Variants in ZIC5 observed in about 807,000 individuals in gnomAD.
ZIC5 encodes the protein zinc finger protein ZIC 5.
ZIC5 carries 20 observed loss-of-function variants against 28.5 expected under a neutral mutation model. That is an observed-to-expected ratio of 0.70 (90% confidence interval 0.49 to 1.02). ZIC5 has a LOEUF of 1.02. ZIC5 is among the 50% of genes least tolerant of loss of function. The pLI is 0.00. For synonymous variants in ZIC5, 488 were observed against 410.4 expected, an observed-to-expected ratio of 1.19 and a Z score of -2.29; for missense variants, 951 against 899.7, an observed-to-expected ratio of 1.06 and a Z score of -0.73.
rs574841086 is a variant in ZIC5, at chr13:99,963,816, T to C, written c.*1561A>G. The C allele has an allele frequency of 6.6e-6, 1 of 151,112 alleles. No individual in the cohort carries two copies. The highest frequency in any genetic ancestry group is 2.4e-5 in the African/African-American group (1 of 41,302). 9.4% of individuals were successfully genotyped at this position (151,112 alleles called of 1,614,324 possible). A position where few individuals can be genotyped will look rare whatever the true frequency, so the allele number is the denominator to read the frequency against. On this transcript the variant is annotated 3_prime_UTR_variant, in exon 2 of 2. Coordinates refer to ENST00000267294, the MANE Select transcript of ZIC5 (RefSeq NM_033132.5). ...ATTAATTCAACTGTACAAATAATAG[T>C]GTTCACATACAAGTTATTAACAATG...
intron 1 of ZIC5, among the ~76,000 whole-genome samples, chr13:99,968,649 G>A (rs747471000): frequency 3.0e-4 from 45 of 152,306 alleles, no homozygotes; most frequent in Non-Finnish European, 1.8e-4. Flanking sequence ...TTTCGGGGCC[G>A]GGCTGGGGAG....
In ZIC5 at chr13:99,970,088, G is replaced by A. The variant is rs748320048; in HGVS notation, c.1477+39C>T. Reference sequence around the variant, plus strand: ...GGAAGCGGCGGCGGCGCAGGAGCTGGTGGCGGCGGCGGCGGCGCGGCCGGG... The same window carrying A: ...GGAAGCGGCGGCGGCGCAGGAGCTGATGGCGGCGGCGGCGGCGCGGCCGGG... On this transcript the variant is annotated intron_variant, in intron 1 of 1. Coordinates refer to ENST00000267294, the MANE Select transcript of ZIC5 (RefSeq NM_033132.5). The A allele has an allele frequency of 7.5e-6, 12 of 1,606,938 alleles. No homozygotes were observed. In the African/African-American group the frequency reaches 1.6e-4, roughly 22 times the overall value.
In ZIC5 at chr13:99,967,725, A is replaced by G. The variant is rs144692004; in HGVS notation, c.1478-1906T>C. On this transcript the variant is annotated intron_variant, in intron 1 of 1. Coordinates refer to ENST00000267294, the MANE Select transcript of ZIC5 (RefSeq NM_033132.5). ...GAACAATTAGACTCAGGAAAGGGAC[A>G]GATGTCGTGGAAGGAAAGGTAGAAC... is the stretch of plus-strand genomic sequence containing the variant. Among the ~76,000 whole-genome samples the G allele has an allele frequency of 7.1e-4, 108 of 152,356 alleles. 2 individuals carry two copies. In the East Asian group the frequency reaches 0.02, roughly 28 times the overall value.
chr13:99,970,681 A>C lies in ZIC5; in HGVS notation c.923T>G (p.Leu308Ter). 8.4e-7 allele frequency: 1 copy of C among 1,184,046 alleles called. No homozygotes were observed. The highest frequency in any genetic ancestry group is 1.1e-6 in the Non-Finnish European group (1 of 948,118). 73.3% of individuals were successfully genotyped at this position (1,184,046 alleles called of 1,614,324 possible). A position where few individuals can be genotyped will look rare whatever the true frequency, so the allele number is the denominator to read the frequency against. Residue 308 changes from leucine (L) to a stop codon, truncating the protein, a stop_gained, in exon 1 of 2, where the codon TTA (leucine) becomes TGA (stop). Transcript: ENST00000267294. LOFTEE classifies it high-confidence loss of function. ...AALHGYGAVN[L>*]NLNLAAAAAA... Reference sequence around the variant, plus strand: ...CGCCGCAGCCGCCAGGTTCAGGTTTAAGTTCACGGCTCCGTAGCCGTGCAG... The same window carrying C: ...CGCCGCAGCCGCCAGGTTCAGGTTTCAGTTCACGGCTCCGTAGCCGTGCAG...
Position 99,971,560 on chromosome 13 carries a change from A to C in ZIC5, c.44T>G (p.Leu15Ter). The C allele has an allele frequency of 6.4e-7, 1 of 1,553,058 alleles. No homozygotes were observed. Residue 15 changes from leucine (L) to a stop codon, truncating the protein, a stop_gained, in exon 1 of 2, where the codon TTA becomes TGA. Transcript: ENST00000267294. LOFTEE classifies it high-confidence loss of function. ...LSKRNPPALR[L>*]ADLATAQVQP... The stretch of plus-strand genomic sequence containing the variant: ...GACCTGAGCCGTTGCCAAATCCGCT[A>C]ATCTCAGCGCTGGCGGGTTCCTCTT...
chr13:99,966,891 G>A (rs1289990611), intron 1 of ZIC5, among the ~76,000 whole-genome samples: 2 of 152,188 alleles, frequency 1.3e-5, no homozygotes, highest in Non-Finnish European at 2.9e-5. Context: ...CAGTCTAACT[G>A]AATTTTCCCT....
At position 99,970,338 on chromosome 13, in the gene ZIC5, C is replaced by G; in HGVS notation, c.1266G>C (p.Thr422=). ...GCTCGGGGCCTCCCACGTGCTCCAC[C>G]GTGACGTGATTCACCAGCTCGTGCA... The part of the protein sequence containing the change: ...GTMHELVNHV[T]VEHVGGPEQS... Residue 422 remains threonine, a synonymous_variant, in exon 1 of 2, where the codon ACG becomes ACC. Transcript: ENST00000267294. The G allele has an allele frequency of 6.2e-7, 1 of 1,610,084 alleles. No homozygotes were observed. Among genetic ancestry groups the G allele is most frequent in the South Asian group, 1.1e-5 (1 of 90,858 alleles).
At chr13:99,967,935 C>T (rs1183905062) in intron 1 of ZIC5, among the ~76,000 whole-genome samples, 1 of 152,212 alleles carries the variant, frequency 6.6e-6, no homozygotes, top group Non-Finnish European at 1.5e-5. Flanking sequence ...CAGAATTTAA[C>T]TATTTACAGA....
intron 1 of ZIC5, 89 bp downstream of exon 1, chr13:99,970,038 C>G (rs2053135480): frequency 2.4e-5 from 37 of 1,572,028 alleles, no homozygotes; most frequent in Non-Finnish European, 3.0e-5. Flanking sequence ...TTAAGGCGAG[C>G]AGGAGGAGGA....
Position 99,965,703 on chromosome 13 carries a change from G to T in ZIC5, c.1594C>A (p.Arg532=). Residue 532 remains arginine (R), a synonymous_variant, in exon 2 of 2, where the codon CGA becomes AGA. Coordinates refer to ENST00000267294, the MANE Select transcript of ZIC5 (RefSeq NM_033132.5). The part of the protein sequence containing the change: ...TSDKPYYCKI[R]GCDKSYTHPS... ...TGAGTGTAGGATTTGTCACAGCCTC[G>T]AATCTTGCAGTAGTAGGGCTTGTCA... 2 of 1,614,160 alleles carry T rather than the reference G, an allele frequency of 1.2e-6. No homozygotes were observed. The highest frequency in any genetic ancestry group is 1.3e-5 in the African/African-American group (1 of 75,036).
At chr13:99,971,811 A>G, upstream of ZIC5, 1 of 1,187,482 alleles carries the variant, frequency 8.4e-7, no homozygotes, top group South Asian at 1.5e-5. Flanking sequence ...GATTTTGGAA[A>G]TGGCACGGGT....
At position 99,965,457 on chromosome 13, in the gene ZIC5, G is replaced by T; in HGVS notation, c.1840C>A (p.Pro614Thr). 1.9e-6 allele frequency: 3 copies of T among 1,614,102 alleles called. No homozygotes were observed. Among genetic ancestry groups the T allele is most frequent in the South Asian group, 1.1e-5 (1 of 91,080 alleles). ...ASGAPSHLHT[P>T]SSNGTTSETE... ...TCAGAGGTGGTTCCGTTGCTGGAAGGGGTGTGGAGGTGGCTGGGGGCCCCA... is the reference window on the plus strand; with the variant it reads ...TCAGAGGTGGTTCCGTTGCTGGAAGTGGTGTGGAGGTGGCTGGGGGCCCCA... Residue 614 changes from proline (P) to threonine (T), a missense_variant, in exon 2 of 2, where the codon CCT (proline) becomes ACT (threonine). This residue lies in a region of ZIC5 where 108 missense variants were observed against 118.4 expected (regional missense o/e 0.91). Coordinates refer to ENST00000267294, the MANE Select transcript of ZIC5 (RefSeq NM_033132.5).
chr13:99,969,533 G>C (rs2053129774), intron 1 of ZIC5, among the ~76,000 whole-genome samples: 1 of 151,974 alleles, frequency 6.6e-6, no homozygotes, highest in Admixed American at 6.5e-5. Flanking sequence ...AGTGCGAGTG[G>C]TCTCCGGGGT....
At position 99,970,445 on chromosome 13, in the gene ZIC5, G is replaced by C. The variant is rs2053141870; in HGVS notation, c.1159C>G (p.Pro387Ala). The change falls in exon 1 of 2, where the codon CCG becomes GCG. Residue 387 changes from proline to alanine, a missense_variant. By Grantham distance (27) the Pro-to-Ala change is conservative (BLOSUM62 -1). Around this residue, in one of 3 missense-constraint regions of ZIC5, gnomAD observed 784 missense variants for 660.1 expected, o/e 1.19. Transcript: ENST00000267294. ...GGCGGCGGCGGCGGCGGCGGCGGCGGCGGCAGCCCGGCCAGCTCGTCGGGG... is the reference window on the plus strand; with the variant it reads ...GGCGGCGGCGGCGGCGGCGGCGGCGCCGGCAGCCCGGCCAGCTCGTCGGGG... Reference protein sequence around the residue: ...IDPDELAGLPPPPPPPPPPPP... With the variant: ...IDPDELAGLPAPPPPPPPPPP... 1 of 1,046,606 alleles carries C rather than the reference G, an allele frequency of 9.6e-7. No individual in the cohort carries two copies. The highest frequency in any genetic ancestry group is 1.1e-6 in the Non-Finnish European group (1 of 870,460). 64.8% of individuals were successfully genotyped at this position (1,046,606 alleles called of 1,614,324 possible).
At position 99,963,688 on chromosome 13, in the gene ZIC5, G is replaced by A. The variant is rs1594280355; in HGVS notation, c.*1689C>T. The A allele has an allele frequency of 1.4e-5, 2 of 147,892 alleles. No individual in the cohort carries two copies. The highest frequency in any genetic ancestry group is 2.5e-5 in the African/African-American group (1 of 40,114). The allele number at this position is 147,892 out of a possible 1,614,324, so 9.2% of individuals were successfully genotyped here. ...TCCTTTTTTTTTTAAATAAACCATG[G>A]ATCATAAATGACAATCTTTCACCAA... On this transcript the variant is annotated 3_prime_UTR_variant, in exon 2 of 2. Coordinates refer to ENST00000267294, the MANE Select transcript of ZIC5 (RefSeq NM_033132.5).
rs1175823891 is a variant in ZIC5, at chr13:99,964,534, C to A, written c.*843G>T. The A allele has an allele frequency of 6.6e-6, 1 of 152,214 alleles. No homozygotes were observed. The highest frequency in any genetic ancestry group is 1.5e-5 in the Non-Finnish European group (1 of 67,966). 9.4% of individuals were successfully genotyped at this position (152,214 alleles called of 1,614,324 possible). ...GAAAAAGAAAGCACTTGAATTTCTT[C>A]TATTTTATAAAATATCACAGTTTCA... On this transcript the variant is annotated 3_prime_UTR_variant, in exon 2 of 2. Transcript: ENST00000267294.
At position 99,970,926 on chromosome 13, in the gene ZIC5, G is replaced by T; in HGVS notation, c.678C>A (p.Gly226=). The change falls in exon 1 of 2, where the codon GGC becomes GGA. Residue 226 remains glycine, a synonymous_variant. Coordinates refer to ENST00000267294, the MANE Select transcript of ZIC5 (RefSeq NM_033132.5). ...MFISASGTYA[G]PDGSGGPALF... is the part of the protein sequence containing the mutation. ...GCGCCGGGCCGCCGCTGCCGTCCGG[G>T]CCCGCGTAGGTGCCGCTGGCGGAGA... 1 of 1,384,898 alleles carries T rather than the reference G, an allele frequency of 7.2e-7. No homozygotes were observed. 85.8% of individuals were successfully genotyped at this position (1,384,898 alleles called of 1,614,324 possible).
chr13:99,970,800 C>A lies in ZIC5; in HGVS notation c.804G>T (p.Ala268=), dbSNP rs1371337169. The change falls in exon 1 of 2, where the codon GCG becomes GCT. Residue 268 remains alanine, a synonymous_variant. Coordinates refer to ENST00000267294, the MANE Select transcript of ZIC5 (RefSeq NM_033132.5). ...RLGLAAAAAA[A]AAELYGRAEP... Reference sequence around the variant, plus strand: ...CGGCGCGGCCGTACAGCTCAGCCGCCGCGGCTGCCGCTGCCGCCGCCAGCC... The same window carrying A: ...CGGCGCGGCCGTACAGCTCAGCCGCAGCGGCTGCCGCTGCCGCCGCCAGCC... 6 of 1,199,502 alleles carry A rather than the reference C, an allele frequency of 5.0e-6. No homozygotes were observed. Among genetic ancestry groups the A allele is most frequent in the South Asian group, 3.7e-5 (1 of 27,012 alleles). The allele number at this position is 1,199,502 out of a possible 1,614,324, so 74.3% of individuals were successfully genotyped here. A position where few individuals can be genotyped will look rare whatever the true frequency, so the allele number is the denominator to read the frequency against.
At chr13:99,971,834 A>G (rs2053163840), upstream of ZIC5, 1 of 917,178 alleles carries the variant, frequency 1.1e-6, no homozygotes, top group African/African-American at 1.7e-5. Context: ...GATTGGAGGG[A>G]GCCGCGTGAT....
Sources: gnomAD v4.1 joint callset for allele counts (sites outside exome capture counted in the v4.1 genomes callset) on GRCh38, gnomAD v4.1.1 for gene constraint, gnomAD v4.1.1 regional missense constraint, MANE v1.5 for transcripts, NCBI Gene and HGNC (gene_info 2026-07-23, HGNC 2026-07-21) for gene names.